Variants in RASGRF2 observed in about 807,000 individuals in gnomAD.
RASGRF2 encodes ras-specific guanine nucleotide-releasing factor 2.
A neutral mutation model predicts 151.0 loss-of-function variants in RASGRF2; 76 were observed. That is an observed-to-expected ratio of 0.50 (90% CI 0.42 to 0.61). The LOEUF (loss-of-function observed/expected upper bound fraction) is 0.61. RASGRF2 is among the 20% of genes least tolerant of loss of function. The probability of loss-of-function intolerance (pLI) is 0.00; values close to 1 mark genes in which losing one functional copy is unlikely to be tolerated. For missense variants in RASGRF2, 1,148 were observed against 1,564.6 expected (o/e 0.73, Z 4.49); for synonymous variants, 504 against 566.5 (o/e 0.89, Z 1.57).
intron 15 of RASGRF2, among the ~76,000 whole-genome samples, chr5:81,119,754 C>T (rs549885987): frequency 6.6e-6 from 1 of 152,290 alleles, no homozygotes; most frequent in South Asian, 2.1e-4. Context: ...AACAGTATGG[C>T]CGAAATATTA....
chr5:81,059,652 C>T (rs1242031364), intron 2 of RASGRF2, among the ~76,000 whole-genome samples: 1 of 151,870 alleles, frequency 6.6e-6, no homozygotes, highest in Non-Finnish European at 1.5e-5. Context: ...CAAGACCAGC[C>T]TGGACAAGAT....
rs576307367 is a variant in RASGRF2, at chr5:81,063,808, C to T, written c.396-4224C>T. On this transcript the variant is annotated intron_variant, in intron 2 of 26. Transcript: ENST00000265080. ...AGTAATTATCTTTTTTTTCCAAGAA[C>T]GCTTTTTTAAAAAAATCTGATTACT... Among the ~76,000 whole-genome samples the T allele has an allele frequency of 1.1e-4, 17 of 151,952 alleles. 1 individual carries two copies. The highest frequency in any genetic ancestry group is 2.9e-4 in the African/African-American group (12 of 41,394).
Position 80,982,693 on chromosome 5 carries a change from C to G in RASGRF2, c.288+21667C>G, listed in dbSNP as rs985616140. ...TTGGCTCACTGCAAGCTCTGCCTCCCGGGTTCATGCCATTCTCCTGCCTCA... is the reference window on the plus strand; with the variant it reads ...TTGGCTCACTGCAAGCTCTGCCTCCGGGGTTCATGCCATTCTCCTGCCTCA... On this transcript the variant is annotated intron_variant, in intron 1 of 26. Transcript: ENST00000265080. Among the ~76,000 whole-genome samples, 74 of 151,374 alleles carry G rather than the reference C, an allele frequency of 4.9e-4. 1 individual carries two copies. Among genetic ancestry groups the G allele is most frequent in the African/African-American group, 1.7e-3 (72 of 41,238 alleles).
chr5:81,164,078 C>A (rs1191441226), intron 17 of RASGRF2, among the ~76,000 whole-genome samples: 6 of 152,134 alleles, frequency 3.9e-5, no homozygotes. Context: ...AGCTTAGTCC[C>A]TGGCATAAGT....
intron 2 of RASGRF2, among the ~76,000 whole-genome samples, chr5:81,043,434 A>G (rs896862545): frequency 6.6e-6 from 1 of 152,192 alleles, no homozygotes; most frequent in African/African-American, 2.4e-5. Flanking sequence ...CCTAGCCTAC[A>G]TTTGTAAACC....
intron 22 of RASGRF2, among the ~76,000 whole-genome samples, chr5:81,209,828 C>T (rs561600981): frequency 3.9e-5 from 6 of 152,292 alleles, no homozygotes; most frequent in African/African-American, 1.4e-4. Flanking sequence ...CTTTCATCTG[C>T]ACCCCAGAGC....
At chr5:81,145,854 G>T (rs168718) in intron 17 of RASGRF2, among the ~76,000 whole-genome samples, 102,742 of 152,138 alleles carry the variant, frequency 0.68, 34,937 homozygotes, top group East Asian at 0.81. Context: ...TTTGTTGTTT[G>T]AAGTCTCAAA....
Position 81,201,381 on chromosome 5 carries a change from G to T in RASGRF2, c.2845G>T (p.Glu949Ter). 6.2e-7 allele frequency: 1 copy of T among 1,613,972 alleles called. No homozygotes were observed. The highest frequency in any genetic ancestry group is 1.1e-5 in the South Asian group (1 of 91,054). ...LKMNVLNLLE[E>*]VLRDPDLLPQ... ...GATGAATGTCCTAAATTTGCTAGAA[G>T]AAGTTTTGCGAGACCCAGACCTTCT... The change falls in exon 19 of 27, where the codon GAA (glutamate) becomes TAA (stop). Residue 949 changes from glutamate to a stop codon, truncating the protein, a stop_gained. Transcript: ENST00000265080. LOFTEE classifies it high-confidence loss of function.
chr5:81,066,131 T>A (rs1188587812), intron 2 of RASGRF2, among the ~76,000 whole-genome samples: 1 of 152,176 alleles, frequency 6.6e-6, no homozygotes, highest in African/African-American at 2.4e-5. Context: ...TTATAACAAT[T>A]GCTTTTTTTA....
At chr5:81,056,535 G>A (rs1340147576) in intron 2 of RASGRF2, among the ~76,000 whole-genome samples, 1 of 152,192 alleles carries the variant, frequency 6.6e-6, no homozygotes, top group Non-Finnish European at 1.5e-5. Context: ...GCTGAGGAGT[G>A]CTTTACTTCC....
chr5:81,094,225 GT>G, intron 10 of RASGRF2, 70 bp from the exon 11 acceptor site: 1 of 1,271,790 alleles, frequency 7.9e-7, no homozygotes, highest in East Asian at 2.4e-5. Context: ...TGAATATAGT[GT>G]TTACAAATCA....
chr5:81,007,675 C>T (rs532119659), intron 1 of RASGRF2, among the ~76,000 whole-genome samples: 29 of 152,126 alleles, frequency 1.9e-4, no homozygotes, highest in Admixed American at 4.6e-4. Context: ...TGATTTAGGA[C>T]GAGGAAAGTG....
At chr5:81,190,322 CCTT>C (rs1436629328) in intron 18 of RASGRF2, among the ~76,000 whole-genome samples, 1 of 152,206 alleles carries the variant, frequency 6.6e-6, no homozygotes, top group East Asian at 1.9e-4. Flanking sequence ...GCTGCCCTCT[CCTT>C]CTCCCCTCAG....
Position 81,073,445 on chromosome 5 carries a change from C to G in RASGRF2, c.880C>G (p.Leu294Val). 6.2e-7 allele frequency: 1 copy of G among 1,613,890 alleles called. No homozygotes were observed. Among genetic ancestry groups the G allele is most frequent in the Non-Finnish European group, 8.5e-7 (1 of 1,179,940 alleles). Residue 294 changes from leucine to valine, a missense_variant, in exon 5 of 27, where the codon CTT becomes GTT. Around this residue, in one of 5 missense-constraint regions of RASGRF2, gnomAD observed 176 missense variants for 309.6 expected, o/e 0.57. Coordinates refer to ENST00000265080, the MANE Select transcript of RASGRF2 (RefSeq NM_006909.3). The part of the protein sequence containing the change: ...ISHDDVSSIF[L>V]NSETIMFLHE... ...CCACGACGACGTCAGCAGTATTTTT[C>G]TTAACAGGTTTGACATTGCATAAAT...
intron 2 of RASGRF2, among the ~76,000 whole-genome samples, chr5:81,044,826 A>G (rs1185252162): frequency 1.3e-5 from 2 of 151,974 alleles, no homozygotes; most frequent in Non-Finnish European, 2.9e-5. Context: ...TTATCACTAC[A>G]GTCTTTTCTT....
chr5:81,126,686 C>A (rs1307991145), intron 16 of RASGRF2, among the ~76,000 whole-genome samples: 4 of 152,208 alleles, frequency 2.6e-5, no homozygotes, highest in Admixed American at 2.0e-4. Flanking sequence ...TTGGCTCCTT[C>A]TTTAACTTGG....
At chr5:81,090,292 TG>T (rs1752352934) in intron 9 of RASGRF2, among the ~76,000 whole-genome samples, 1 of 152,214 alleles carries the variant, frequency 6.6e-6, no homozygotes, top group South Asian at 2.1e-4. Context: ...TCTGTGGGAA[TG>T]AAGTGATTGA....
rs187637033 is a variant in RASGRF2, at chr5:80,998,235, A to G, written c.288+37209A>G. Among the ~76,000 whole-genome samples, 183 of 152,288 alleles carry G rather than the reference A, an allele frequency of 1.2e-3. 2 individuals carry two copies. The highest frequency in any genetic ancestry group is 0.012 in the Admixed American group (182 of 15,296). ...CATTGGTTACCATCTTCCCAATTTT[A>G]TAACTTTTAATAATACTGGTAAATT... is the stretch of plus-strand genomic sequence containing the variant. On this transcript the variant is annotated intron_variant, in intron 1 of 26. Coordinates refer to ENST00000265080, the MANE Select transcript of RASGRF2 (RefSeq NM_006909.3).
intron 1 of RASGRF2, among the ~76,000 whole-genome samples, chr5:80,970,855 A>G (rs1285016942): frequency 6.6e-6 from 1 of 152,164 alleles, no homozygotes; most frequent in Non-Finnish European, 1.5e-5. Context: ...TACTTTTACC[A>G]AACCAATGTT....
Sources: gnomAD v4.1 joint callset for allele counts (sites outside exome capture counted in the v4.1 genomes callset) on GRCh38, gnomAD v4.1.1 for gene constraint, gnomAD v4.1.1 regional missense constraint, MANE v1.5 for transcripts, NCBI Gene and HGNC (gene_info 2026-07-23, HGNC 2026-07-21) for gene names.